The following GTF3C2 variants were observed in gnomAD, a reference collection of about 807,000 sequenced individuals.
GTF3C2 encodes the protein general transcription factor 3C polypeptide 2.
In GTF3C2, 17 loss-of-function variants were observed where a neutral mutation model predicts 117.4. That is an observed-to-expected ratio of 0.14 (90% confidence interval 0.10 to 0.22). The LOEUF is 0.22. Among genes scored for constraint, GTF3C2 ranks in the 10% least tolerant of loss-of-function variants. The pLI, the probability that GTF3C2 is intolerant of heterozygous loss-of-function variation, is 1.00. For missense variants in GTF3C2, 888 were observed against 1,143.6 expected (o/e 0.78, Z 3.22); for synonymous variants, 437 against 427.0 (o/e 1.02, Z -0.29).
exon 19 of GTF3C2, chr2:27,326,637 T>G: frequency 6.6e-7 from 1 of 1,504,162 alleles, no homozygotes; most frequent in East Asian, 2.3e-5. Context: ...CATTTGTTCT[T>G]GACCGACTTC....
chr2:27,331,661 G>A (rs1172150132), intron 12 of GTF3C2, among the ~76,000 whole-genome samples: 1 of 152,094 alleles, frequency 6.6e-6, no homozygotes, highest in African/African-American at 2.4e-5. Flanking sequence ...ATCTAGGCCA[G>A]GCATGGTAAC....
intron 4 of GTF3C2, among the ~76,000 whole-genome samples, chr2:27,338,532 G>GT (rs1011734646): frequency 2.0e-5 from 3 of 151,888 alleles, no homozygotes; most frequent in South Asian, 2.1e-4. Context: ...CTGTCTTTTT[G>GT]TTTTTTTGTT....
chr2:27,342,601 G>C, intron 3 of GTF3C2: 1 of 568,868 alleles, frequency 1.8e-6, no homozygotes. Context: ...TGTGAAAAAT[G>C]GCATAGGACA....
At chr2:27,346,016 CTTTT>C (rs70953853) in intron 1 of GTF3C2, among the ~76,000 whole-genome samples, 3,046 of 97,854 alleles carry the variant, frequency 0.031, 40 homozygotes, top group Middle Eastern at 0.077. Flanking sequence ...TGCCCCGCCA[CTTTT>C]TTTTTTTTTT....
intron 12 of GTF3C2, among the ~76,000 whole-genome samples, chr2:27,331,390 G>A (rs920524875): frequency 2.0e-5 from 3 of 152,122 alleles, no homozygotes; most frequent in Non-Finnish European, 2.9e-5. Context: ...GCAGTGGCAC[G>A]ATCTTGGCTC....
intron 1 of GTF3C2, among the ~76,000 whole-genome samples, chr2:27,348,747 C>T (rs1681007882): frequency 6.6e-6 from 1 of 152,064 alleles, no homozygotes; most frequent in Non-Finnish European, 1.5e-5. Context: ...AAGCCAAGAT[C>T]ACACCACTGC....
At position 27,333,513 on chromosome 2, in the gene GTF3C2, TTCTA is replaced by T. The variant is rs1167949325; in HGVS notation, c.1732+138_1732+141del. ...AGAAATAGTCTAGTGACTTATTTCT[TTCTA>T]TTTTTTTTTTTTTACATTGCTTGAA... is the stretch of plus-strand genomic sequence containing the variant. On this transcript the variant is annotated intron_variant, in intron 12 of 18. Transcript: ENST00000264720. 6.4e-5 allele frequency: 40 copies of T among 622,694 alleles called. No homozygotes were observed. The East Asian group carries it at 1.1e-3, about 18-fold the overall frequency. 38.6% of individuals were successfully genotyped at this position (622,694 alleles called of 1,614,324 possible).
intron 16 of GTF3C2, 131 bp downstream of exon 16, chr2:27,328,337 A>G (rs546627515): frequency 6.5e-6 from 7 of 1,072,782 alleles, no homozygotes; most frequent in South Asian, 2.8e-5. Flanking sequence ...GGAAGATTAT[A>G]TACAACTCTG....
chr2:27,346,016 C>CCT (rs1680904877), intron 1 of GTF3C2, among the ~76,000 whole-genome samples: 1 of 97,910 alleles, frequency 1.0e-5, no homozygotes, highest in Admixed American at 1.1e-4. Flanking sequence ...TGCCCCGCCA[C>CCT]TTTTTTTTTT....
chr2:27,348,542 G>C (rs1287206061), intron 1 of GTF3C2, among the ~76,000 whole-genome samples: 4 of 152,150 alleles, frequency 2.6e-5, no homozygotes, highest in Non-Finnish European at 5.9e-5. Context: ...ACAGGCTCAT[G>C]CCTGTATTCC....
At position 27,329,500 on chromosome 2, in the gene GTF3C2, G is replaced by A. The variant is rs769981496; in HGVS notation, c.1756C>T (p.Pro586Ser). The A allele has an allele frequency of 1.4e-5, 23 of 1,614,086 alleles. No individual in the cohort carries two copies. In the South Asian group the frequency reaches 2.5e-4, roughly 18 times the overall value. Reference sequence around the variant, plus strand: ...ATCCGCTGCAGGGGTGAGTTAGTGGGAAGGTTCCAGAAAACCACCATGCCT... The same window carrying A: ...ATCCGCTGCAGGGGTGAGTTAGTGGAAAGGTTCCAGAAAACCACCATGCCT... The change falls in exon 13 of 19, where the codon CCC becomes TCC. Residue 586 changes from proline to serine, a missense_variant. This residue lies in a region of GTF3C2 where 277 missense variants were observed against 445.4 expected (regional missense o/e 0.62). Coordinates refer to ENST00000264720, the Ensembl canonical transcript of GTF3C2. This position sits in a 1 kb window ranked among gnomAD's most constrained non-coding sequence, Gnocchi z 4.5.
intron 5 of GTF3C2, 122 bp from the exon 6 acceptor site, chr2:27,337,680 C>A: frequency 1.3e-6 from 1 of 758,106 alleles, no homozygotes; most frequent in Non-Finnish European, 2.3e-6. Flanking sequence ...CAGTTGCTAG[C>A]TCCAATTAGC....
At chr2:27,336,995 G>A (rs758195062) in intron 7 of GTF3C2, among the ~76,000 whole-genome samples, 2 of 152,104 alleles carry the variant, frequency 1.3e-5, no homozygotes, top group African/African-American at 4.8e-5. Context: ...GTCTGTCCAG[G>A]TCTATCTGAG....
chr2:27,341,301 G>A (rs941686315), intron 4 of GTF3C2: 2 of 152,492 alleles, frequency 1.3e-5, no homozygotes, highest in African/African-American at 4.8e-5. Flanking sequence ...CTCCCAAAGT[G>A]CTGGGATTAC....
intron 3 of GTF3C2, 140 bp from the exon 4 acceptor site, chr2:27,342,373 C>G: frequency 1.5e-6 from 1 of 686,872 alleles, no homozygotes; most frequent in Non-Finnish European, 2.3e-6. Context: ...TCCCCTTCCC[C>G]CTTGGAAGAT....
At chr2:27,352,939 A>C (rs1349607176) in intron 1 of GTF3C2, among the ~76,000 whole-genome samples, 1 of 152,116 alleles carries the variant, frequency 6.6e-6, no homozygotes, top group South Asian at 2.1e-4. Context: ...AAATTCCCTC[A>C]ATTTTTTACA....
intron 1 of GTF3C2, 80 bp from the exon 2 acceptor site, chr2:27,343,658 C>A (rs1459029460): frequency 5.2e-6 from 6 of 1,164,394 alleles, no homozygotes; most frequent in Admixed American, 4.1e-5. Context: ...CATCTTTTCT[C>A]CCTCATTCTC....
Position 27,329,720 on chromosome 2 carries a change from C to T in GTF3C2, c.1733-197G>A, listed in dbSNP as rs1010089109. On this transcript the variant is annotated intron_variant, in intron 12 of 18. Transcript: ENST00000264720. This position sits in a 1 kb window ranked among gnomAD's most constrained non-coding sequence, Gnocchi z 4.5. The stretch of plus-strand genomic sequence containing the variant: ...TCAACCTGGTATTTTAACCCTAATT[C>T]TCATCAACAAAAAAGTAATAGCTTT... 3.9e-5 allele frequency among the ~76,000 whole-genome samples: 6 copies of T among 152,250 alleles called. No homozygotes were observed. The highest frequency in any genetic ancestry group is 1.4e-4 in the African/African-American group (6 of 41,560).
At chr2:27,347,129 T>C (rs1043102429) in intron 1 of GTF3C2, among the ~76,000 whole-genome samples, 3 of 152,114 alleles carry the variant, frequency 2.0e-5, no homozygotes, top group African/African-American at 4.8e-5. Flanking sequence ...ACCCGAAACC[T>C]AAGCAACACA....
Sources: allele counts gnomAD v4.1 joint callset (sites outside exome capture counted in the v4.1 genomes callset), GRCh38; gene constraint gnomAD v4.1.1; regional missense constraint gnomAD v4.1.1; non-coding constraint Gnocchi (gnomAD v3.1); transcripts MANE v1.5; gene names NCBI Gene and HGNC (gene_info 2026-07-23, HGNC 2026-07-21).